KMT2C: variants seen among roughly 807,000 people sequenced by gnomAD.
KMT2C encodes the protein lysine methyltransferase 2C.
In KMT2C, 88 loss-of-function variants were observed where a neutral mutation model predicts 507.9. The observed-to-expected ratio is 0.17, with a 90% CI of 0.15 to 0.21. The LOEUF (loss-of-function observed/expected upper bound fraction) is 0.21. Among genes scored for constraint, KMT2C ranks in the 10% least tolerant of loss-of-function variants. The pLI is 1.00. For synonymous variants in KMT2C, 2,049 were observed against 2,080.8 expected (o/e 0.98, Z 0.42); for missense variants, 4,954 against 5,957.8 (o/e 0.83, Z 5.55).
In KMT2C at chr7:152,177,945, T is replaced by C. The variant is rs2093274545; in HGVS notation, c.7508A>G (p.Gln2503Arg). Reference sequence around the variant, plus strand: ...AGAAACTCCAGATCCCTGTATTTGCTGAGGAGGCACAAGGAAGCGCTCTTG... The same window carrying C: ...AGAAACTCCAGATCCCTGTATTTGCCGAGGAGGCACAAGGAAGCGCTCTTG... ...PSQERFLVPPQQIQGSGVSPQ... is the reference protein window; with the variant it reads ...PSQERFLVPPRQIQGSGVSPQ... Residue 2503 changes from glutamine to arginine, a missense_variant, in exon 38 of 59, where the codon CAG (glutamine) becomes CGG (arginine). Physicochemically the swap from Gln to Arg is conservative, Grantham distance 43. This residue lies in a region of KMT2C where 1,689 missense variants were observed against 1,654.3 expected (regional missense o/e 1.02). Transcript: ENST00000262189. 2 of 1,595,812 alleles carry C rather than the reference T, an allele frequency of 1.3e-6. No individual in the cohort carries two copies. The highest frequency in any genetic ancestry group is 2.8e-5 in the African/African-American group (2 of 71,052).
In KMT2C at chr7:152,223,759, C is replaced by T. The variant is rs1256591119; in HGVS notation, c.3323+256G>A. 3.9e-5 allele frequency among the ~76,000 whole-genome samples: 6 copies of T among 152,220 alleles called. No homozygotes were observed. In the East Asian group the frequency reaches 9.7e-4, roughly 25 times the overall value. On this transcript the variant is annotated intron_variant, in intron 20 of 58. Coordinates refer to ENST00000262189, the MANE Select transcript of KMT2C (RefSeq NM_170606.3). Reference sequence around the variant, plus strand: ...AGGTTGCAGTGAGCCAAGATAGCGCCACTGCACTCCAGCCTGGTGACAGAG... The same window carrying T: ...AGGTTGCAGTGAGCCAAGATAGCGCTACTGCACTCCAGCCTGGTGACAGAG...
At chr7:152,379,549 C>G (rs929513669) in intron 1 of KMT2C, among the ~76,000 whole-genome samples, 6 of 151,792 alleles carry the variant, frequency 4.0e-5, no homozygotes, top group Non-Finnish European at 8.8e-5. Context: ...AAAAAACAAA[C>G]AAACAAAAAT....
In KMT2C at chr7:152,384,151, C is replaced by T. The variant is rs577410860; in HGVS notation, c.162-25476G>A. On this transcript the variant is annotated intron_variant, in intron 1 of 58. Transcript: ENST00000262189. ...TATAAGCAGTTCAGAAAAGGGGCATCATGAGTCACTCTCCTCAGTGCTGCC... is the reference window on the plus strand; with the variant it reads ...TATAAGCAGTTCAGAAAAGGGGCATTATGAGTCACTCTCCTCAGTGCTGCC... Among the ~76,000 whole-genome samples, 74 of 152,192 alleles carry T rather than the reference C, an allele frequency of 4.9e-4. 1 individual carries two copies. Among genetic ancestry groups the T allele is most frequent in the African/African-American group, 1.7e-3 (70 of 41,520 alleles).
At chr7:152,250,007 G>C (rs554203515) in intron 12 of KMT2C, 54 bp from the exon 13 acceptor site, 1 of 1,031,904 alleles carries the variant, frequency 9.7e-7, no homozygotes, top group Non-Finnish European at 1.5e-6. Flanking sequence ...CTGTAACACT[G>C]TTCCCTCAAC....
intron 34 of KMT2C, among the ~76,000 whole-genome samples, chr7:152,184,013 A>G (rs185514299): frequency 1.1e-3 from 160 of 148,980 alleles, no homozygotes; most frequent in African/African-American, 3.9e-3. Context: ...CAGAGGTTGC[A>G]GTGAGCCGAG....
At chr7:152,427,967 A>G (rs1437582350) in intron 1 of KMT2C, among the ~76,000 whole-genome samples, 3 of 152,040 alleles carry the variant, frequency 2.0e-5, no homozygotes, top group Non-Finnish European at 4.4e-5. Context: ...CACTACAACT[A>G]TTGTAACAGC....
In KMT2C at chr7:152,176,645, C is replaced by A. The variant is rs768143777; in HGVS notation, c.8808G>T (p.Gly2936=). ...KSDNSDIRPS[G]SPPPPTLPAS... ...CCGGCAGAGTTGGTGGTGGTGGAGA[C>A]CCCGATGGCCTAATGTCTGAATTAT... Residue 2936 remains glycine, a synonymous_variant, in exon 38 of 59, where the codon GGG becomes GGT. Transcript: ENST00000262189. 6.2e-7 allele frequency: 1 copy of A among 1,614,066 alleles called. No individual in the cohort carries two copies. Among genetic ancestry groups the A allele is most frequent in the Non-Finnish European group, 8.5e-7 (1 of 1,180,046 alleles).
intron 1 of KMT2C, among the ~76,000 whole-genome samples, chr7:152,360,002 T>C (rs1563983523): frequency 1.7e-5 from 2 of 118,240 alleles, no homozygotes; most frequent in African/African-American, 3.3e-5. Context: ...TGAGCTGATA[T>C]CATGCCACTG....
At chr7:152,335,230 T>A (rs2096923002) in intron 2 of KMT2C, among the ~76,000 whole-genome samples, 1 of 152,060 alleles carries the variant, frequency 6.6e-6, no homozygotes, top group Non-Finnish European at 1.5e-5. Flanking sequence ...CTAGAGAGAC[T>A]CTCTCTGCCT....
intron 9 of KMT2C, among the ~76,000 whole-genome samples, chr7:152,258,772 C>T (rs2095706565): frequency 6.6e-6 from 1 of 152,110 alleles, no homozygotes. Flanking sequence ...CTGATCCACC[C>T]GCTTCAGCCT....
rs147680312 is a variant in KMT2C at position 152,328,091 on chromosome 7, G to C, written c.389+2510C>G. ...AAGTGCGTGTCTTCAGAGTTCACAT[G>C]ACAGTCAAATGAACTGTTGGAAAAT... On this transcript the variant is annotated intron_variant, in intron 3 of 58. Transcript: ENST00000262189. 4.3e-4 allele frequency among the ~76,000 whole-genome samples: 65 copies of C among 152,196 alleles called. 1 individual carries two copies. Among genetic ancestry groups the C allele is most frequent in the Admixed American group, 1.9e-3 (29 of 15,294 alleles).
In KMT2C at chr7:152,361,335, T is replaced by C. The variant is rs545985283; in HGVS notation, c.162-2660A>G. ...CAGCACTTTGGGAGGCTGAGGTGGG[T>C]GGATCACGAGGTCAGGAGATCGAGA... On this transcript the variant is annotated intron_variant, in intron 1 of 58. Coordinates refer to ENST00000262189, the MANE Select transcript of KMT2C (RefSeq NM_170606.3). Among the ~76,000 whole-genome samples, 931 of 152,062 alleles carry C rather than the reference T, an allele frequency of 6.1e-3. 13 individuals carry two copies. Among genetic ancestry groups the C allele is most frequent in the African/African-American group, 0.021 (876 of 41,474 alleles).
chr7:152,147,894 A>G (rs937943516), intron 52 of KMT2C, 139 bp downstream of exon 52: 1 of 894,486 alleles, frequency 1.1e-6, no homozygotes. Context: ...GAACACAAAC[A>G]TTGGCATTTG....
chr7:152,171,772 C>T (rs1193897178), intron 39 of KMT2C, among the ~76,000 whole-genome samples: 2 of 152,178 alleles, frequency 1.3e-5, no homozygotes, highest in Non-Finnish European at 2.9e-5. Flanking sequence ...TCATTCCAGT[C>T]TGTGTTAAAA....
At chr7:152,153,589 T>G (rs528857926) in intron 48 of KMT2C, among the ~76,000 whole-genome samples, 10 of 152,302 alleles carry the variant, frequency 6.6e-5, no homozygotes, top group Admixed American at 5.9e-4. Context: ...GAGATGGACA[T>G]GATGGCTCAC....
intron 1 of KMT2C, among the ~76,000 whole-genome samples, chr7:152,376,335 G>T (rs1461280322): frequency 6.6e-6 from 1 of 152,120 alleles, no homozygotes. Flanking sequence ...AAAGTCATGT[G>T]CCTCTCACTT....
intron 27 of KMT2C, among the ~76,000 whole-genome samples, chr7:152,196,663 C>T (rs528569854): frequency 1.3e-5 from 2 of 152,186 alleles, no homozygotes; most frequent in South Asian, 2.1e-4. Context: ...AACGACATCG[C>T]TGTAAGTGCT....
chr7:152,323,640 GA>G (rs1334840007), intron 3 of KMT2C, among the ~76,000 whole-genome samples: 52 of 62,656 alleles, frequency 8.3e-4, no homozygotes, highest in African/African-American at 1.4e-3. Flanking sequence ...CCCTTTCAAA[GA>G]AAAAAAAAAA....
At chr7:152,357,427 C>T (rs964053703) in intron 2 of KMT2C, among the ~76,000 whole-genome samples, 1 of 151,688 alleles carries the variant, frequency 6.6e-6, no homozygotes, top group African/African-American at 2.4e-5. Flanking sequence ...AGGAGGCTGA[C>T]GCAGGAGAAT....
Sources: allele counts gnomAD v4.1 joint callset (sites outside exome capture counted in the v4.1 genomes callset), GRCh38; gene constraint gnomAD v4.1.1; regional missense constraint gnomAD v4.1.1; transcripts MANE v1.5; gene names NCBI Gene and HGNC (gene_info 2026-07-23, HGNC 2026-07-21).